The following FBXL13 variants were observed in gnomAD, a reference collection of about 807,000 sequenced individuals.
FBXL13 encodes the protein F-box and leucine rich repeat protein 13.
FBXL13 carries 67 observed loss-of-function variants against 83.6 expected under a neutral mutation model. That is an observed-to-expected ratio of 0.80 (90% CI 0.66 to 0.98). The LOEUF (loss-of-function observed/expected upper bound fraction) is 0.98. FBXL13 is among the 50% of genes least tolerant of loss of function. The probability of loss-of-function intolerance (pLI) is 0.00; values close to 1 mark genes in which losing one functional copy is unlikely to be tolerated. For synonymous variants in FBXL13, 272 were observed against 299.5 expected, an observed-to-expected ratio of 0.91 and a Z score of 0.95; for missense variants, 822 against 866.5, an observed-to-expected ratio of 0.95 and a Z score of 0.64.
At chr7:102,914,264 G>T (rs1411312453) in intron 10 of FBXL13, among the ~76,000 whole-genome samples, 1 of 152,164 alleles carries the variant, frequency 6.6e-6, no homozygotes, top group South Asian at 2.1e-4. Flanking sequence ...GTAGAGACAG[G>T]GTTTCACCAT....
At chr7:103,052,681 C>CT (rs1464501312) in intron 2 of FBXL13, among the ~76,000 whole-genome samples, 1 of 151,900 alleles carries the variant, frequency 6.6e-6, no homozygotes, top group African/African-American at 2.4e-5. Context: ...TGTCATAACT[C>CT]TAAGTTTGGA....
intron 11 of FBXL13, chr7:102,912,865 C>T (rs1361603711): frequency 2.0e-6 from 1 of 505,368 alleles, no homozygotes; most frequent in African/African-American, 1.9e-5. Context: ...ATCCAATGAG[C>T]TCTGCCTGTT....
chr7:102,995,817 A>AAATAAATAAATG (rs1789727172), intron 6 of FBXL13, among the ~76,000 whole-genome samples: 1 of 151,674 alleles, frequency 6.6e-6, no homozygotes, highest in Admixed American at 6.6e-5. Context: ...ATAAATAAAT[A>AAATAAATAAATG]AAGGCATAGT....
intron 8 of FBXL13, among the ~76,000 whole-genome samples, chr7:102,957,976 G>A (rs1353949105): frequency 6.6e-6 from 1 of 152,102 alleles, no homozygotes; most frequent in African/African-American, 2.4e-5. Context: ...AAGACAGTGT[G>A]GTGATTCCTC....
chr7:102,845,114 C>A (rs1803699381), intron 17 of FBXL13, among the ~76,000 whole-genome samples: 2 of 152,100 alleles, frequency 1.3e-5, no homozygotes, highest in African/African-American at 4.8e-5. Flanking sequence ...CATATAGACA[C>A]CATCAATTAT....
chr7:102,941,717 T>C (rs1049214585), intron 8 of FBXL13, among the ~76,000 whole-genome samples: 2 of 150,650 alleles, frequency 1.3e-5, no homozygotes, highest in Non-Finnish European at 3.0e-5. Flanking sequence ...GTTTACCAAC[T>C]ATCAATGCAA....
At chr7:102,835,603 GTTTTTTTTTTTTT>G (rs776220490) in intron 17 of FBXL13, among the ~76,000 whole-genome samples, 4 of 97,510 alleles carry the variant, frequency 4.1e-5, no homozygotes, top group Admixed American at 1.3e-4. Flanking sequence ...AGGTGACATT[GTTTTTTTTTTTTT>G]TTTTTTTTTT....
chr7:103,042,077 T>C (rs919667603), intron 2 of FBXL13, among the ~76,000 whole-genome samples: 1 of 152,154 alleles, frequency 6.6e-6, no homozygotes, highest in South Asian at 2.1e-4. Context: ...GAAAAACCCA[T>C]TGTCTCAGCC....
chr7:102,895,803 A>G (rs1812183661), intron 11 of FBXL13, among the ~76,000 whole-genome samples: 1 of 152,192 alleles, frequency 6.6e-6, no homozygotes, highest in Non-Finnish European at 1.5e-5. Flanking sequence ...TGTTCTCCCC[A>G]TTAAAACTCT....
exon 13 of FBXL13, chr7:102,883,598 C>T (rs1314712969): frequency 3.1e-6 from 5 of 1,611,402 alleles, no homozygotes; most frequent in Admixed American, 1.7e-5. Flanking sequence ...AGTTTACAAG[C>T]AGAAAGAGCT....
intron 6 of FBXL13, among the ~76,000 whole-genome samples, chr7:103,005,267 G>C (rs1245007740): frequency 6.6e-6 from 1 of 152,130 alleles, no homozygotes; most frequent in Non-Finnish European, 1.5e-5. Context: ...GCAAAAGTAG[G>C]TACAGAGGAA....
intron 2 of FBXL13, chr7:103,046,975 G>T (rs770202228): frequency 6.6e-6 from 1 of 152,212 alleles, no homozygotes; most frequent in Non-Finnish European, 1.5e-5. Context: ...GTTCTAGACT[G>T]TGAAGCAGTT....
At chr7:102,911,274 T>A (rs1444722626) in intron 11 of FBXL13, among the ~76,000 whole-genome samples, 1 of 152,204 alleles carries the variant, frequency 6.6e-6, no homozygotes, top group Non-Finnish European at 1.5e-5. Flanking sequence ...AGGACACTTG[T>A]GTATACATTT....
chr7:102,875,224 G>C (rs941506816), intron 16 of FBXL13, among the ~76,000 whole-genome samples: 1 of 152,100 alleles, frequency 6.6e-6, no homozygotes, highest in Non-Finnish European at 1.5e-5. Flanking sequence ...GAAAGACTTG[G>C]GGCATAACAT....
In FBXL13 at chr7:102,913,094, A is replaced by G. The variant is rs902299678; in HGVS notation, c.1000T>C (p.Cys334Arg). 3 of 1,614,084 alleles carry G rather than the reference A, an allele frequency of 1.9e-6. No homozygotes were observed. The African/African-American group carries it at 4.0e-5, about 22-fold the overall frequency. Residue 334 changes from cysteine (C) to arginine (R), a missense_variant, in exon 11 of 20, where the codon TGC becomes CGC. Cys to Arg is a radical substitution (Grantham distance 180, BLOSUM62 -3). Transcript: ENST00000313221. ...AAGACTGAAAGACAAACCTGGGTGCAGCCAGAGAGGTCCAGATAGATGAGC... is the reference window on the plus strand; with the variant it reads ...AAGACTGAAAGACAAACCTGGGTGCGGCCAGAGAGGTCCAGATAGATGAGC...
downstream of FBXL13, among the ~76,000 whole-genome samples, chr7:102,812,261 G>A (rs886895288): frequency 2.6e-5 from 4 of 152,056 alleles, no homozygotes; most frequent in South Asian, 2.1e-4. Flanking sequence ...TAAAACCTAC[G>A]GATTAAAGCT....
chr7:102,836,732 T>G (rs1312958339), intron 17 of FBXL13, among the ~76,000 whole-genome samples: 1 of 152,224 alleles, frequency 6.6e-6, no homozygotes, highest in East Asian at 1.9e-4. Flanking sequence ...TGTAGGCACT[T>G]AATGACTACA....
intron 2 of FBXL13, among the ~76,000 whole-genome samples, chr7:103,053,778 G>A (rs1459944140): frequency 1.3e-5 from 2 of 152,076 alleles, no homozygotes; most frequent in Non-Finnish European, 2.9e-5. Flanking sequence ...GCACTCCATA[G>A]GTCAAAAGTC....
chr7:103,010,349 C>T (rs1344807448), intron 6 of FBXL13, among the ~76,000 whole-genome samples: 2 of 152,146 alleles, frequency 1.3e-5, no homozygotes, highest in Admixed American at 6.5e-5. Flanking sequence ...ACCACCACCA[C>T]CAGCAGACAG....
Sources: allele counts gnomAD v4.1 joint callset (sites outside exome capture counted in the v4.1 genomes callset), GRCh38; gene constraint gnomAD v4.1.1; transcripts MANE v1.5; gene names NCBI Gene and HGNC (gene_info 2026-07-23, HGNC 2026-07-21).